The following XRN1 variants were observed in gnomAD, a reference collection of about 807,000 sequenced individuals.
XRN1 encodes the protein strand-exchange protein 1 homolog.
Under a neutral mutation model 222.3 loss-of-function variants are expected in XRN1, and 67 were observed. The ratio of observed to expected loss-of-function variants is 0.30; its 90% confidence interval spans 0.25 to 0.37. The LOEUF (loss-of-function observed/expected upper bound fraction) is 0.37. Ranked by LOEUF, XRN1 falls within the 10% of genes least tolerant of loss-of-function variation. The pLI, the probability that XRN1 is intolerant of heterozygous loss-of-function variation, is 1.00. For missense variants in XRN1, 1,707 were observed against 2,000.2 expected, an observed-to-expected ratio of 0.85 and a Z score of 2.80; for synonymous variants, 643 against 652.4, an observed-to-expected ratio of 0.99 and a Z score of 0.22.
At chr3:142,355,185 C>T (rs2066428003) in intron 32 of XRN1, 1 of 258,498 alleles carries the variant, frequency 3.9e-6, no homozygotes. Flanking sequence ...CAGTGTCACA[C>T]AGTATATTCA....
At chr3:142,358,898 T>C (rs578044388) in intron 30 of XRN1, among the ~76,000 whole-genome samples, 2 of 152,196 alleles carry the variant, frequency 1.3e-5, no homozygotes, top group African/African-American at 2.4e-5. Flanking sequence ...CTTATCAAAA[T>C]AGAGGAAAAA....
In XRN1 at chr3:142,308,900, G is replaced by C. The variant is rs988946050; in HGVS notation, c.*2611C>G. ...AATGAGCATATTTTTAAACTTTGGG[G>C]GTGGTCTTAGTCCACCCCATCTCAA... is the stretch of plus-strand genomic sequence containing the variant. On this transcript the variant is annotated 3_prime_UTR_variant, in exon 41 of 41. Coordinates refer to ENST00000392981, the MANE Select transcript of XRN1 (RefSeq NM_001282857.2). The C allele has an allele frequency of 2.2e-4, 34 of 152,088 alleles. No homozygotes were observed. The highest frequency in any genetic ancestry group is 8.2e-4 in the African/African-American group (34 of 41,404). 9.4% of individuals were successfully genotyped at this position (152,088 alleles called of 1,614,324 possible).
intron 18 of XRN1, 88 bp from the exon 19 acceptor site, chr3:142,400,635 T>A: frequency 1.0e-6 from 1 of 999,124 alleles, no homozygotes; most frequent in South Asian, 1.7e-5. Context: ...TCCATTTAAG[T>A]TTTTTAAATT....
Position 142,447,249 on chromosome 3 carries a change from C to T in XRN1, c.75+621G>A, listed in dbSNP as rs146793294. Among the ~76,000 whole-genome samples the T allele has an allele frequency of 8.8e-3, 1,342 of 152,272 alleles. 21 individuals carry two copies. The highest frequency in any genetic ancestry group is 0.031 in the African/African-American group (1,270 of 41,542). On this transcript the variant is annotated intron_variant, in intron 1 of 40. Transcript: ENST00000392981. This position sits in a 1 kb window ranked among gnomAD's most constrained non-coding sequence, Gnocchi z 4.2. ...TGAGGCCTCCAAATAAAAGGTCCTA[C>T]GCCCCACTCCCCAGCTGGCCCAAGA...
At chr3:142,384,311 T>A (rs557143952) in intron 21 of XRN1, among the ~76,000 whole-genome samples, 1 of 148,904 alleles carries the variant, frequency 6.7e-6, no homozygotes, top group Non-Finnish European at 1.5e-5. Flanking sequence ...TACGAAAGCA[T>A]AAAAGACAAG....
At chr3:142,431,967 AATATATTGT>A (rs2069610977) in intron 2 of XRN1, among the ~76,000 whole-genome samples, 1 of 78,170 alleles carries the variant, frequency 1.3e-5, no homozygotes, top group Admixed American at 1.9e-4. Flanking sequence ...TATATAATAT[AATATATTGT>A]ATATATTATA....
At chr3:142,406,173 C>T (rs988710389) in intron 15 of XRN1, among the ~76,000 whole-genome samples, 10 of 151,998 alleles carry the variant, frequency 6.6e-5, no homozygotes, top group African/African-American at 2.4e-4. Flanking sequence ...ACCAATGGAA[C>T]AAAATAGAAA....
intron 1 of XRN1, among the ~76,000 whole-genome samples, chr3:142,437,557 T>G (rs192496472): frequency 6.6e-6 from 1 of 152,376 alleles, no homozygotes; most frequent in East Asian, 1.9e-4. Context: ...CAATCCTATA[T>G]TCTTTCCTCT....
chr3:142,339,473 A>G (rs573104103), intron 33 of XRN1, among the ~76,000 whole-genome samples: 4 of 152,354 alleles, frequency 2.6e-5, no homozygotes, highest in African/African-American at 7.2e-5. Context: ...AAACAAGCCC[A>G]GACTTTGAAG....
At chr3:142,388,597 T>A (rs1410671827) in intron 20 of XRN1, among the ~76,000 whole-genome samples, 1 of 152,226 alleles carries the variant, frequency 6.6e-6, no homozygotes, top group Non-Finnish European at 1.5e-5. Context: ...TTGATGGCTG[T>A]TGATTAGTCA....
intron 29 of XRN1, among the ~76,000 whole-genome samples, chr3:142,362,881 C>T (rs538386889): frequency 6.6e-6 from 1 of 151,674 alleles, no homozygotes; most frequent in African/African-American, 2.4e-5. Flanking sequence ...AGTGATTCTC[C>T]CACCTCACCC....
Position 142,432,543 on chromosome 3 carries a change from G to T in XRN1, c.308+118C>A, listed in dbSNP as rs1157982735. ...ATGACACTGAGATATTTCCATTTCT[G>T]GGGGAGTTTACGCAGAAAATAAACA... On this transcript the variant is annotated intron_variant, in intron 2 of 40. Coordinates refer to ENST00000392981, the MANE Select transcript of XRN1 (RefSeq NM_001282857.2). 5.3e-6 allele frequency: 5 copies of T among 946,682 alleles called. No homozygotes were observed. The East Asian group carries it at 1.1e-4, about 20-fold the overall frequency. 58.6% of individuals were successfully genotyped at this position (946,682 alleles called of 1,614,324 possible).
intron 18 of XRN1, 66 bp downstream of exon 18, chr3:142,403,608 A>C: frequency 6.9e-7 from 1 of 1,447,280 alleles, no homozygotes; most frequent in Non-Finnish European, 9.6e-7. Flanking sequence ...CCTGGTAAAC[A>C]TCCCAGCAGC....
intron 39 of XRN1, among the ~76,000 whole-genome samples, chr3:142,314,226 T>C (rs1366285518): frequency 6.6e-6 from 1 of 152,246 alleles, no homozygotes. Flanking sequence ...TTGGCATTTA[T>C]GTATTTACAT....
In XRN1 at chr3:142,344,094, A is replaced by G. The variant is rs190314813; in HGVS notation, c.3877+3140T>C. 3.6e-3 allele frequency among the ~76,000 whole-genome samples: 386 copies of G among 107,026 alleles called. 1 individual carries two copies. Among genetic ancestry groups the G allele is most frequent in the African/African-American group, 0.013 (373 of 27,864 alleles). The allele number at this position is 107,026 out of a possible 152,430, so 70.2% of individuals were successfully genotyped here. On this transcript the variant is annotated intron_variant, in intron 33 of 40. Coordinates refer to ENST00000392981, the MANE Select transcript of XRN1 (RefSeq NM_001282857.2). ...ATGGTTACTAGAGGCTGGGAAGAGT[A>G]GTGGGGGGGAGGGGTGGGAAGTGGG... is the stretch of plus-strand genomic sequence containing the variant.
intron 15 of XRN1, 90 bp downstream of exon 15, chr3:142,412,454 T>C: frequency 7.2e-7 from 1 of 1,380,822 alleles, no homozygotes; most frequent in Non-Finnish European, 9.5e-7. Flanking sequence ...AAAACATAAA[T>C]GGTGATTAAA....
At chr3:142,314,610 C>T (rs2065157682) in intron 39 of XRN1, among the ~76,000 whole-genome samples, 1 of 151,810 alleles carries the variant, frequency 6.6e-6, no homozygotes, top group South Asian at 2.1e-4. Context: ...AACTTTATGA[C>T]TAAAACATTG....
intron 15 of XRN1, chr3:142,407,693 C>T (rs1372438550): frequency 6.6e-6 from 1 of 151,632 alleles, no homozygotes; most frequent in Non-Finnish European, 1.5e-5. Context: ...GTATATCATG[C>T]TTGCGCAAGG....
In XRN1 at chr3:142,417,125, T is replaced by G. The variant is rs759765697; in HGVS notation, c.1436+15A>C. The G allele has an allele frequency of 6.3e-7, 1 of 1,597,426 alleles. No homozygotes were observed. Among genetic ancestry groups the G allele is most frequent in the East Asian group, 2.2e-5 (1 of 44,614 alleles). The stretch of plus-strand genomic sequence containing the variant: ...ATAAAAAGACAAAACTTTATTTTTG[T>G]TTTTATTCTCTCACCAGCTCCAGGA... On this transcript the variant is annotated intron_variant, in intron 13 of 40. Coordinates refer to ENST00000392981, the MANE Select transcript of XRN1 (RefSeq NM_001282857.2).
Sources: gnomAD v4.1 joint callset for allele counts (sites outside exome capture counted in the v4.1 genomes callset) on GRCh38, gnomAD v4.1.1 for gene constraint, Gnocchi (gnomAD v3.1) non-coding constraint, MANE v1.5 for transcripts, NCBI Gene and HGNC (gene_info 2026-07-23, HGNC 2026-07-21) for gene names.